The following ZMYM2 variants were observed in gnomAD, a reference collection of about 807,000 sequenced individuals.
The protein encoded by ZMYM2 is zinc finger MYM-type protein 2.
Under a neutral mutation model 162.8 loss-of-function variants are expected in ZMYM2, and 56 were observed. The observed-to-expected ratio is 0.34, with a 90% CI of 0.28 to 0.43. The LOEUF is 0.43. Ranked by LOEUF, ZMYM2 falls within the 20% of genes least tolerant of loss-of-function variation. The pLI, the probability that ZMYM2 is intolerant of heterozygous loss-of-function variation, is 1.00. For missense variants in ZMYM2, 1,275 were observed against 1,621.8 expected (o/e 0.79, Z 3.67); for synonymous variants, 510 against 541.6 (o/e 0.94, Z 0.81).
At chr13:20,080,293 T>G (rs147639290) in intron 21 of ZMYM2, among the ~76,000 whole-genome samples, 10 of 152,360 alleles carry the variant, frequency 6.6e-5, no homozygotes, top group Non-Finnish European at 1.3e-4. Flanking sequence ...TTTTGCTGAC[T>G]AATATTCCTT....
chr13:20,018,266 T>A (rs530984732), intron 6 of ZMYM2, among the ~76,000 whole-genome samples: 1 of 152,378 alleles, frequency 6.6e-6, no homozygotes, highest in East Asian at 1.9e-4. Context: ...AAAATAGTGT[T>A]TCTTTTATTC....
chr13:20,078,397 AT>A (rs1957667268), intron 21 of ZMYM2, among the ~76,000 whole-genome samples: 1 of 152,190 alleles, frequency 6.6e-6, no homozygotes, highest in Non-Finnish European at 1.5e-5. Flanking sequence ...ATAAATTGTT[AT>A]GTATATTGTT....
intron 2 of ZMYM2, among the ~76,000 whole-genome samples, chr13:19,971,244 G>GTGTGTGTGTATATATATATA (rs5802035): frequency 1.2e-4 from 6 of 50,134 alleles, no homozygotes; most frequent in African/African-American, 3.9e-4. Flanking sequence ...GTGTGTGTGT[G>GTGTGTGTGTATATATATATA]TATATATATA....
At chr13:19,915,632 T>G in the ZMYM2 span, among the ~76,000 whole-genome samples, 1 of 151,924 alleles carries the variant, frequency 6.6e-6, no homozygotes, top group African/African-American at 2.4e-5. Context: ...ACCTCCCTAG[T>G]AGCTGGGATT....
chr13:19,970,064 T>C (rs1956167616), intron 2 of ZMYM2: 1 of 985,264 alleles, frequency 1.0e-6, no homozygotes. Context: ...TGAAGTCACG[T>C]AAAGAAGGTA....
intron 12 of ZMYM2, among the ~76,000 whole-genome samples, chr13:20,048,656 C>A (rs1288271081): frequency 1.3e-5 from 2 of 151,930 alleles, no homozygotes; most frequent in East Asian, 3.8e-4. Flanking sequence ...CTATCCAAGA[C>A]ATGAAAGGGA....
intron 14 of ZMYM2, 142 bp from the exon 15 acceptor site, chr13:20,058,433 A>G (rs1955976392): frequency 2.1e-6 from 2 of 957,882 alleles, no homozygotes; most frequent in Non-Finnish European, 3.0e-6. Flanking sequence ...GAGTATGGTG[A>G]ACATAGGGAT....
At chr13:19,900,905 G>A in the ZMYM2 span, among the ~76,000 whole-genome samples, 3 of 151,966 alleles carry the variant, frequency 2.0e-5, no homozygotes, top group Admixed American at 1.3e-4. Context: ...GGTGGCGGGC[G>A]CCTGTAGTCC....
chr13:19,916,540 G>A, the ZMYM2 span, among the ~76,000 whole-genome samples: 1 of 152,088 alleles, frequency 6.6e-6, no homozygotes, highest in Admixed American at 6.6e-5. Flanking sequence ...CCATAGAAAA[G>A]GATGAGTTCA....
At chr13:20,004,632 T>G (rs541796070) in intron 4 of ZMYM2, among the ~76,000 whole-genome samples, 40 of 152,246 alleles carry the variant, frequency 2.6e-4, no homozygotes, top group South Asian at 2.3e-3. Context: ...GGGGATGGGG[T>G]GTGTGGGTAT....
the ZMYM2 span, among the ~76,000 whole-genome samples, chr13:19,917,415 C>A: frequency 6.6e-6 from 1 of 151,526 alleles, no homozygotes; most frequent in African/African-American, 2.4e-5. Flanking sequence ...ATGATGAAGC[C>A]CCATCTCTAC....
At chr13:20,073,316 G>A (rs1303088539) in intron 21 of ZMYM2, among the ~76,000 whole-genome samples, 1 of 152,150 alleles carries the variant, frequency 6.6e-6, no homozygotes, top group Non-Finnish European at 1.5e-5. Flanking sequence ...AATTTAGACT[G>A]TAATATAGCT....
the ZMYM2 span, among the ~76,000 whole-genome samples, chr13:19,914,908 C>T: frequency 6.6e-6 from 1 of 152,084 alleles, no homozygotes; most frequent in African/African-American, 2.4e-5. Flanking sequence ...CCCCAAGAGG[C>T]TGTATATACT....
At chr13:20,051,726 T>C (rs1955365777) in intron 13 of ZMYM2, 128 bp downstream of exon 13, 9 of 927,120 alleles carry the variant, frequency 9.7e-6, no homozygotes, top group Middle Eastern at 2.6e-4. Context: ...ATTCCGTAGA[T>C]TCTCTGGGTC....
intron 2 of ZMYM2, among the ~76,000 whole-genome samples, chr13:19,980,152 T>C (rs1027169497): frequency 6.6e-6 from 1 of 152,012 alleles, no homozygotes; most frequent in Admixed American, 6.5e-5. Flanking sequence ...TGTATTAACG[T>C]TTATGTATGA....
chr13:20,029,951 T>G (rs1224460209), intron 9 of ZMYM2, among the ~76,000 whole-genome samples: 1 of 151,384 alleles, frequency 6.6e-6, no homozygotes, highest in African/African-American at 2.4e-5. Flanking sequence ...CCTGCCACCA[T>G]GCCTAGCTAA....
chr13:19,878,519 T>C, the ZMYM2 span, among the ~76,000 whole-genome samples: 471 of 7,298 alleles, frequency 0.065, 5 homozygotes, highest in African/African-American at 0.091. Flanking sequence ...CCTTTGCCCT[T>C]TTTTTTTTTT....
the ZMYM2 span, among the ~76,000 whole-genome samples, chr13:19,929,046 T>C: frequency 6.6e-6 from 1 of 152,216 alleles, no homozygotes; most frequent in African/African-American, 2.4e-5. Context: ...ATGCGACTGA[T>C]GTTTTATACT....
chr13:19,962,515 A>ATAT (rs1371972440), intron 2 of ZMYM2, among the ~76,000 whole-genome samples: 71 of 38,930 alleles, frequency 1.8e-3, no homozygotes, highest in South Asian at 3.5e-3. Flanking sequence ...ATATATATAT[A>ATAT]TTTTTTTTTT....
Sources: gnomAD v4.1 joint callset for allele counts (sites outside exome capture counted in the v4.1 genomes callset) on GRCh38, gnomAD v4.1.1 for gene constraint, MANE v1.5 for transcripts, NCBI Gene and HGNC (gene_info 2026-07-23, HGNC 2026-07-21) for gene names.